Variants in OPHN1 observed in about 807,000 individuals in gnomAD.
OPHN1 encodes the protein oligophrenin-1.
OPHN1 carries 11 observed loss-of-function variants against 60.7 expected under a neutral mutation model. That is an observed-to-expected ratio of 0.18 (90% CI 0.11 to 0.30). The LOEUF (loss-of-function observed/expected upper bound fraction) is 0.30. OPHN1 is among the 10% of genes least tolerant of loss of function. The pLI is 1.00. For missense variants in OPHN1, 449 were observed against 611.0 expected (o/e 0.73, Z 2.80); for synonymous variants, 226 against 222.6 (o/e 1.02, Z -0.14).
chrX:68,221,101 A>C (rs1207691252), intron 6 of OPHN1, among the ~76,000 whole-genome samples: 1 of 96,162 alleles, frequency 1.0e-5, no homozygotes, highest in Non-Finnish European at 2.1e-5. Flanking sequence ...ATACAAAATC[A>C]ATGTACAAAA....
intron 2 of OPHN1, among the ~76,000 whole-genome samples, chrX:68,406,053 CA>C (rs2078741286): frequency 2.8e-5 from 3 of 107,783 alleles, no homozygotes; most frequent in Admixed American, 1.0e-4. Flanking sequence ...GAGGCTGAGG[CA>C]CAAGAATCGC....
intron 3 of OPHN1, among the ~76,000 whole-genome samples, chrX:68,298,733 T>C (rs1245111116): frequency 8.9e-6 from 1 of 112,187 alleles, no homozygotes; most frequent in Non-Finnish European, 1.9e-5. Flanking sequence ...GGAAAATAAC[T>C]ATGCTTTAAA....
At position 68,308,814 on chromosome X, in the gene OPHN1, C is replaced by T. The variant is rs936641995; in HGVS notation, c.155-9718G>A. 4.1e-4 allele frequency among the ~76,000 whole-genome samples: 45 copies of T among 109,600 alleles called. 1 individual carries two copies. Among genetic ancestry groups the T allele is most frequent in the East Asian group, 2.0e-3 (7 of 3,432 alleles). ...TTGTTTTTTGAGACAGGGTCTAGCT[C>T]GGATGCCCAGGCTGGAGTGCAGTGG... On this transcript the variant is annotated intron_variant, in intron 2 of 24. Transcript: ENST00000355520.
chrX:68,226,008 G>C (rs2147509950), intron 6 of OPHN1, among the ~76,000 whole-genome samples: 1 of 111,593 alleles, frequency 9.0e-6, no homozygotes, highest in South Asian at 3.8e-4. Flanking sequence ...TGGCTAACTA[G>C]AATAAACAGC....
chrX:68,405,087 T>TA (rs1305863503), intron 2 of OPHN1, among the ~76,000 whole-genome samples: 8 of 112,303 alleles, frequency 7.1e-5, no homozygotes, highest in Non-Finnish European at 1.3e-4. Context: ...ACCACAATTT[T>TA]AAAAAAAGAA....
chrX:68,175,062 G>A (rs991728177), intron 15 of OPHN1, among the ~76,000 whole-genome samples: 1 of 107,651 alleles, frequency 9.3e-6, no homozygotes, highest in Non-Finnish European at 1.9e-5. Flanking sequence ...CCAGCCTAGC[G>A]ACAGAGCGAG....
chrX:68,257,142 AT>A (rs1486407047), intron 5 of OPHN1, among the ~76,000 whole-genome samples: 2 of 112,262 alleles, frequency 1.8e-5, no homozygotes, highest in Non-Finnish European at 3.8e-5. Context: ...GGAAAGCAAA[AT>A]TTTTGTGACT....
chrX:68,138,376 C>T (rs942853944), intron 15 of OPHN1, among the ~76,000 whole-genome samples: 1 of 111,690 alleles, frequency 9.0e-6, no homozygotes, highest in Non-Finnish European at 1.9e-5. Flanking sequence ...TATGAGTTTG[C>T]GAATAAGAAA....
At chrX:68,287,908 T>C (rs5965535) in intron 3 of OPHN1, among the ~76,000 whole-genome samples, 39,411 of 111,111 alleles carry the variant, frequency 0.35, 8,916 homozygotes, top group African/African-American at 0.85. Flanking sequence ...ATTTTTCAAC[T>C]ATTCCCACCG....
chrX:68,167,423 T>C (rs1411573553), intron 15 of OPHN1, among the ~76,000 whole-genome samples: 1 of 110,932 alleles, frequency 9.0e-6, no homozygotes, highest in Non-Finnish European at 1.9e-5. Flanking sequence ...ACAACCACCA[T>C]AGATAACAAC....
chrX:68,243,618 C>T (rs1157264757), intron 5 of OPHN1, among the ~76,000 whole-genome samples: 1 of 111,340 alleles, frequency 9.0e-6, no homozygotes, highest in African/African-American at 3.3e-5. Flanking sequence ...AAACTCCTGA[C>T]CTCGAGTAAT....
At chrX:68,212,265 A>C in intron 7 of OPHN1, 53 bp from the exon 8 acceptor site, 1 of 874,838 alleles carries the variant, frequency 1.1e-6, no homozygotes. Flanking sequence ...TAATAAACTA[A>C]ATAAAAGAAA....
intron 16 of OPHN1, among the ~76,000 whole-genome samples, chrX:68,115,769 AAG>A (rs1413298689): frequency 9.0e-6 from 1 of 111,667 alleles, no homozygotes; most frequent in Admixed American, 9.5e-5. Flanking sequence ...TGTTGACAAA[AAG>A]AGTGAAACTG....
At chrX:68,414,838 T>C (rs1196507732) in intron 2 of OPHN1, among the ~76,000 whole-genome samples, 1 of 112,055 alleles carries the variant, frequency 8.9e-6, no homozygotes, top group Non-Finnish European at 1.9e-5. Flanking sequence ...AGACAGAGAA[T>C]ATGCTGAAAC....
At chrX:68,296,862 A>G (rs1303334482) in intron 3 of OPHN1, among the ~76,000 whole-genome samples, 1 of 109,629 alleles carries the variant, frequency 9.1e-6, no homozygotes, top group Non-Finnish European at 1.9e-5. Context: ...AGCCCCACAG[A>G]CCCCCACAGG....
chrX:68,297,380 C>G (rs181534600), intron 3 of OPHN1, among the ~76,000 whole-genome samples: 2 of 111,192 alleles, frequency 1.8e-5, no homozygotes, highest in Admixed American at 1.9e-4. Context: ...TTACTTGATT[C>G]CAGAGCCCAT....
rs762967504 is a variant in OPHN1, at chrX:68,226,648, C to T, written c.486+7839G>A. Among the ~76,000 whole-genome samples the T allele has an allele frequency of 9.9e-5, 11 of 110,835 alleles. No homozygotes were observed. The South Asian group carries it at 2.7e-3, about 27-fold the overall frequency. ...CCAAACTAAGCTTCATAAGTAAAGGCGAAATAAAATACTTTACAGACAAGC... is the reference window on the plus strand; with the variant it reads ...CCAAACTAAGCTTCATAAGTAAAGGTGAAATAAAATACTTTACAGACAAGC... On this transcript the variant is annotated intron_variant, in intron 6 of 24. Transcript: ENST00000355520.
intron 19 of OPHN1, among the ~76,000 whole-genome samples, chrX:68,095,097 T>C (rs2077033364): frequency 8.9e-6 from 1 of 112,054 alleles, no homozygotes; most frequent in African/African-American, 3.2e-5. Context: ...TCTAAAATAT[T>C]ATATACTTTA....
intron 16 of OPHN1, among the ~76,000 whole-genome samples, chrX:68,117,087 G>T (rs1248894358): frequency 9.0e-6 from 1 of 111,264 alleles, no homozygotes; most frequent in Non-Finnish European, 1.9e-5. Context: ...TTACTTTTAA[G>T]ATAAATTTAG....
Sources: allele counts gnomAD v4.1 joint callset (sites outside exome capture counted in the v4.1 genomes callset), GRCh38; gene constraint gnomAD v4.1.1; transcripts MANE v1.5; gene names NCBI Gene and HGNC (gene_info 2026-07-23, HGNC 2026-07-21).